Variants in POU6F2 observed in about 807,000 individuals in gnomAD.
POU6F2 encodes POU class 6 homeobox 2, also known as POU domain, class 6, transcription factor 2.
A neutral mutation model predicts 71.3 loss-of-function variants in POU6F2; 31 were observed. That is an observed-to-expected ratio of 0.43 (90% CI 0.33 to 0.59). The LOEUF (loss-of-function observed/expected upper bound fraction) is 0.59, where lower values mean the gene tolerates loss of function less well. Ranked by LOEUF, POU6F2 falls within the 20% of genes least tolerant of loss-of-function variation. The pLI is 0.04. For missense variants in POU6F2, 783 were observed against 856.8 expected, an observed-to-expected ratio of 0.91 and a Z score of 1.07; for synonymous variants, 347 against 355.7, an observed-to-expected ratio of 0.98 and a Z score of 0.27.
chr7:39,236,424 T>C lies in POU6F2; in HGVS notation c.598+28804T>C, dbSNP rs536391720. ...CCTTCAGATTGTGTTTGCATTTTTTTTCTCATCTTTGTGGTTTGAAATAGT... is the reference window on the plus strand; with the variant it reads ...CCTTCAGATTGTGTTTGCATTTTTTCTCTCATCTTTGTGGTTTGAAATAGT... On this transcript the variant is annotated intron_variant, in intron 4 of 9. Coordinates refer to ENST00000518318, the MANE Select transcript of POU6F2 (RefSeq NM_001370959.1). Among the ~76,000 whole-genome samples, 91 of 152,330 alleles carry C rather than the reference T, an allele frequency of 6.0e-4. 2 individuals are homozygous for C. In the South Asian group the frequency reaches 0.019, roughly 32 times the overall value.
chr7:39,163,854 C>A (rs539881707), intron 2 of POU6F2, among the ~76,000 whole-genome samples: 1 of 152,248 alleles, frequency 6.6e-6, no homozygotes, highest in Non-Finnish European at 1.5e-5. Context: ...GAAATCTTGT[C>A]ATTTGTAACA....
chr7:39,104,559 G>A (rs1007502594), intron 2 of POU6F2, among the ~76,000 whole-genome samples: 1 of 152,168 alleles, frequency 6.6e-6, no homozygotes, highest in Non-Finnish European at 1.5e-5. Context: ...AGGGGAGGGG[G>A]AAGGGAAGAG....
intron 7 of POU6F2, among the ~76,000 whole-genome samples, chr7:39,440,199 T>C (rs140406530): frequency 7.8e-4 from 119 of 152,314 alleles, no homozygotes; most frequent in Middle Eastern, 6.8e-3. Context: ...AATGGTATTC[T>C]CTGTATTTCC....
At chr7:39,365,970 A>G (rs1157627065) in intron 5 of POU6F2, among the ~76,000 whole-genome samples, 1 of 152,234 alleles carries the variant, frequency 6.6e-6, no homozygotes, top group African/African-American at 2.4e-5. Context: ...GTGCAGGCAC[A>G]GAGCAGGTGC....
At chr7:39,218,355 G>A (rs893285239) in intron 4 of POU6F2, among the ~76,000 whole-genome samples, 1 of 152,016 alleles carries the variant, frequency 6.6e-6, no homozygotes, top group Non-Finnish European at 1.5e-5. Context: ...AGAGTGGGGG[G>A]GTTATTGAAA....
At chr7:39,022,621 A>G (rs1353934168) in intron 1 of POU6F2, among the ~76,000 whole-genome samples, 4 of 152,060 alleles carry the variant, frequency 2.6e-5, no homozygotes, top group Non-Finnish European at 5.9e-5. Flanking sequence ...TGCAATATAT[A>G]TTCTTTTATG....
rs368139924 is a variant in POU6F2, at chr7:39,169,440, C to T, written c.278-34795C>T. 2.6e-5 allele frequency among the ~76,000 whole-genome samples: 4 copies of T among 152,252 alleles called. No homozygotes were observed. In the East Asian group the frequency reaches 7.7e-4, roughly 29 times the overall value. On this transcript the variant is annotated intron_variant, in intron 2 of 9. Coordinates refer to ENST00000518318, the MANE Select transcript of POU6F2 (RefSeq NM_001370959.1). Reference sequence around the variant, plus strand: ...AAGTGTCTGGGCCCCTCCAAAACAACAAAAACCAACAACCAACAACAAAAA... The same window carrying T: ...AAGTGTCTGGGCCCCTCCAAAACAATAAAAACCAACAACCAACAACAAAAA...
chr7:39,327,819 ATAT>A (rs1313544391), intron 4 of POU6F2, among the ~76,000 whole-genome samples: 1 of 151,802 alleles, frequency 6.6e-6, no homozygotes, highest in South Asian at 2.1e-4. Context: ...CCCGCCAATA[ATAT>A]TAGTTCCATA....
intron 5 of POU6F2, among the ~76,000 whole-genome samples, chr7:39,341,608 TC>T (rs1785919696): frequency 6.6e-6 from 1 of 152,184 alleles, no homozygotes; most frequent in African/African-American, 2.4e-5. Flanking sequence ...CTATATACCA[TC>T]TAATTTCTCT....
chr7:39,179,860 C>G (rs1793404687), intron 2 of POU6F2, among the ~76,000 whole-genome samples: 1 of 152,202 alleles, frequency 6.6e-6, no homozygotes, highest in Non-Finnish European at 1.5e-5. Context: ...TAAGGCCCAC[C>G]ACTTAAGCAC....
chr7:39,003,364 T>C (rs1159121865), intron 1 of POU6F2, among the ~76,000 whole-genome samples: 1 of 152,056 alleles, frequency 6.6e-6, no homozygotes, highest in Non-Finnish European at 1.5e-5. Flanking sequence ...GTAATTCTAC[T>C]TTTAGGAAAT....
intron 4 of POU6F2, among the ~76,000 whole-genome samples, chr7:39,250,105 G>A (rs945248638): frequency 9.2e-5 from 14 of 152,218 alleles, no homozygotes; most frequent in African/African-American, 2.4e-4. Flanking sequence ...TTGGCAGCCC[G>A]CGTGCAATTT....
At chr7:39,006,035 C>T (rs932515663) in intron 1 of POU6F2, among the ~76,000 whole-genome samples, 2 of 152,112 alleles carry the variant, frequency 1.3e-5, no homozygotes, top group South Asian at 4.1e-4. Flanking sequence ...GAATGCTGTG[C>T]CAGCATGTAT....
intron 1 of POU6F2, among the ~76,000 whole-genome samples, chr7:39,059,635 T>C (rs1370385913): frequency 1.3e-5 from 2 of 152,206 alleles, no homozygotes; most frequent in African/African-American, 4.8e-5. Flanking sequence ...CTCAAAATGT[T>C]AAACCTATAG....
chr7:39,319,868 T>C (rs1274407852), intron 4 of POU6F2, among the ~76,000 whole-genome samples: 1 of 152,204 alleles, frequency 6.6e-6, no homozygotes, highest in Non-Finnish European at 1.5e-5. Flanking sequence ...TTTCCAAAAT[T>C]ACTATTTAAA....
intron 2 of POU6F2, among the ~76,000 whole-genome samples, chr7:39,201,227 C>A (rs1793896260): frequency 6.6e-6 from 1 of 152,114 alleles, no homozygotes; most frequent in South Asian, 2.1e-4. Flanking sequence ...GGAAAACAAG[C>A]CAGAGTTCAC....
intron 4 of POU6F2, among the ~76,000 whole-genome samples, chr7:39,293,363 T>C (rs969238189): frequency 6.6e-6 from 1 of 152,212 alleles, no homozygotes; most frequent in Non-Finnish European, 1.5e-5. Flanking sequence ...AGTGTGCTTC[T>C]GACAATCCTA....
chr7:39,079,180 C>A (rs1323215076), intron 1 of POU6F2, among the ~76,000 whole-genome samples: 1 of 79,326 alleles, frequency 1.3e-5, no homozygotes, highest in Non-Finnish European at 2.2e-5. Flanking sequence ...CTCACAATAT[C>A]TTTTTTTTTT....
At chr7:39,268,439 A>C (rs1286773712) in intron 4 of POU6F2, among the ~76,000 whole-genome samples, 2 of 152,154 alleles carry the variant, frequency 1.3e-5, no homozygotes, top group African/African-American at 4.8e-5. Context: ...CTGAGGCGGA[A>C]GGTGCTTGAT....
Sources: gnomAD v4.1 joint callset for allele counts (sites outside exome capture counted in the v4.1 genomes callset) on GRCh38, gnomAD v4.1.1 for gene constraint, MANE v1.5 for transcripts, NCBI Gene and HGNC (gene_info 2026-07-23, HGNC 2026-07-21) for gene names.